Variants in ALDH3B1 observed in about 807,000 individuals in gnomAD.
ALDH3B1 encodes aldehyde dehydrogenase 3 family member B1.
A neutral mutation model predicts 46.2 loss-of-function variants in ALDH3B1; 37 were observed. That is an observed-to-expected ratio of 0.80 (90% confidence interval 0.62 to 1.05). The LOEUF is 1.05. Among genes scored for constraint, ALDH3B1 ranks in the 50% least tolerant of loss-of-function variants. The probability of loss-of-function intolerance (pLI) is 0.00; values close to 1 mark genes in which losing one functional copy is unlikely to be tolerated. For missense variants in ALDH3B1, 603 were observed against 665.5 expected (o/e 0.91, Z 1.03); for synonymous variants, 283 against 281.0 (o/e 1.01, Z -0.07).
In ALDH3B1 at chr11:68,015,374, G is replaced by A. The variant is rs928991817; in HGVS notation, c.77G>A (p.Arg26Gln). The A allele has an allele frequency of 8.4e-6, 13 of 1,551,178 alleles. No individual in the cohort carries two copies. Among genetic ancestry groups the A allele is most frequent in the East Asian group, 4.9e-5 (2 of 41,166 alleles). Residue 26 changes from arginine to glutamine, a missense_variant, in exon 2 of 10, where the codon CGG becomes CAG. By Grantham distance (43) the Arg-to-Gln change is conservative (BLOSUM62 1). Transcript: ENST00000342456. Reference protein sequence around the residue: ...HAGRTRPAEFRAAQLQGLGRF... With the variant: ...HAGRTRPAEFQAAQLQGLGRF... ...GGGCGCACGCGGCCAGCTGAGTTCC[G>A]GGCTGCGCAGCTCCAAGGCCTGGGC... is the stretch of plus-strand genomic sequence containing the variant.
chr11:68,019,618 G>T, intron 5 of ALDH3B1, 97 bp from the exon 6 acceptor site: 1 of 1,359,960 alleles, frequency 7.4e-7, no homozygotes, highest in East Asian at 2.3e-5. Context: ...CAGGCCAGGC[G>T]GGGTGGAGGC....
intron 1 of ALDH3B1, among the ~76,000 whole-genome samples, chr11:68,014,765 G>A (rs947171987): frequency 1.3e-5 from 2 of 152,200 alleles, no homozygotes; most frequent in African/African-American, 4.8e-5. Flanking sequence ...AGAGGAAGAC[G>A]GAGAATTCTG....
chr11:68,012,654 ACAG>A (rs1156932205), intron 1 of ALDH3B1, among the ~76,000 whole-genome samples: 1 of 152,080 alleles, frequency 6.6e-6, no homozygotes, highest in Non-Finnish European at 1.5e-5. Context: ...TGGAATCCAA[ACAG>A]CAAGAGACCT....
chr11:68,019,178 G>A lies in ALDH3B1; in HGVS notation c.403G>A (p.Val135Met). 6.2e-7 allele frequency: 1 copy of A among 1,612,672 alleles called. No individual in the cohort carries two copies. The highest frequency in any genetic ancestry group is 8.5e-7 in the Non-Finnish European group (1 of 1,179,464). ...LVGALAAGNC[V>M]VLKPSEISKN... ...CCTGCACTGCCCTGCAGGGAACTGT[G>A]TGGTGCTGAAGCCATCGGAGATTAG... Residue 135 changes from valine to methionine, a missense_variant, in exon 5 of 10, where the codon GTG becomes ATG. Transcript: ENST00000342456.
chr11:68,010,845 C>T (rs1165850559), intron 1 of ALDH3B1, among the ~76,000 whole-genome samples: 1 of 152,224 alleles, frequency 6.6e-6, no homozygotes, highest in Non-Finnish European at 1.5e-5. Flanking sequence ...CCATGAATGA[C>T]TCTGGGAAAG....
upstream of ALDH3B1, chr11:68,010,213 G>T (rs951641892): frequency 9.2e-5 from 14 of 152,306 alleles, no homozygotes; most frequent in Non-Finnish European, 4.4e-5. Context: ...CGAGGGAGGC[G>T]GTGGTGAAAT....
intron 8 of ALDH3B1, chr11:68,024,499 T>C (rs1003777): frequency 0.26 from 39,675 of 152,198 alleles, 5,668 homozygotes; most frequent in African/African-American, 0.38. Context: ...TGGTGGAATT[T>C]TGTTGTATTG....
chr11:68,018,174 A>C, intron 2 of ALDH3B1: 1 of 261,414 alleles, frequency 3.8e-6, no homozygotes, highest in African/African-American at 2.2e-5. Context: ...GCTCATGTGG[A>C]TGTATACATG....
chr11:68,014,586 C>G (rs1857300969), intron 1 of ALDH3B1, among the ~76,000 whole-genome samples: 1 of 152,162 alleles, frequency 6.6e-6, no homozygotes, highest in South Asian at 2.1e-4. Context: ...GATCCTCTCC[C>G]CCACAGCTGT....
At position 68,027,700 on chromosome 11, in the gene ALDH3B1, C is replaced by T. The variant is rs778923085; in HGVS notation, c.1217-49C>T. On this transcript the variant is annotated intron_variant, in intron 9 of 9. Coordinates refer to ENST00000342456, the MANE Select transcript of ALDH3B1 (RefSeq NM_000694.4). ...CCCGCCTAGGCCCCACTGTCTGTGA[C>T]TAGGAGACCCCCAGCGCCTGACCAC... 3 of 1,535,636 alleles carry T rather than the reference C, an allele frequency of 2.0e-6. No homozygotes were observed. In the South Asian group the frequency reaches 3.6e-5, roughly 19 times the overall value.
chr11:68,015,518 C>A, intron 2 of ALDH3B1, 59 bp downstream of exon 2: 1 of 1,551,666 alleles, frequency 6.4e-7, no homozygotes, highest in African/African-American at 1.4e-5. Context: ...TGGAGGGCAG[C>A]TGGGACAGCA....
At position 68,019,725 on chromosome 11, in the gene ALDH3B1, C is replaced by T. The variant is rs762645901; in HGVS notation, c.491C>T (p.Ala164Val). Residue 164 changes from alanine to valine, a missense_variant, in exon 6 of 10, where the codon GCT becomes GTT. Physicochemically the swap from Ala to Val is moderately conservative, Grantham distance 64 (BLOSUM62 0). Transcript: ENST00000342456. ...LPQYVDQSCF[A>V]VVLGGPQETG... ...CATCCCGCCTTGCAGAGCTGCTTTG[C>T]TGTGGTGCTGGGCGGGCCCCAGGAG... The T allele has an allele frequency of 4.3e-6, 7 of 1,614,096 alleles. No homozygotes were observed. The highest frequency in any genetic ancestry group is 2.2e-5 in the South Asian group (2 of 91,084).
chr11:68,015,998 G>A (rs1857344216), intron 2 of ALDH3B1: 2 of 246,872 alleles, frequency 8.1e-6, no homozygotes, highest in Non-Finnish European at 1.6e-5. Flanking sequence ...CCTGGGAGGT[G>A]GAGGTTGCAG....
chr11:68,026,689 T>C (rs1272153420), intron 9 of ALDH3B1, among the ~76,000 whole-genome samples: 1 of 152,068 alleles, frequency 6.6e-6, no homozygotes, highest in Non-Finnish European at 1.5e-5. Context: ...AGGTGACATC[T>C]CCCCTTTCTG....
chr11:68,023,484 T>C (rs566740826), intron 8 of ALDH3B1, among the ~76,000 whole-genome samples: 1 of 151,924 alleles, frequency 6.6e-6, no homozygotes, highest in South Asian at 2.1e-4. Flanking sequence ...TTTGTATTTT[T>C]AGTAGAGATG....
chr11:68,015,212 G>T, intron 1 of ALDH3B1, 85 bp from the exon 2 acceptor site: 2 of 1,396,942 alleles, frequency 1.4e-6, no homozygotes, highest in Non-Finnish European at 1.9e-6. Flanking sequence ...GCAGGTCAGG[G>T]GTGCCCAGAC....
Position 68,018,853 on chromosome 11 carries a change from G to A in ALDH3B1, c.354G>A (p.Leu118=). The change falls in exon 4 of 10, where the codon CTG becomes CTA. Residue 118 remains leucine, a synonymous_variant. Transcript: ENST00000342456. ...TCATTGCGCCCTGGAACTATCCGCT[G>A]AACCTGACGCTGGTGCCCCTCGTGG... is the stretch of plus-strand genomic sequence containing the variant. ...VLIIAPWNYP[L]NLTLVPLVGA... 1 of 1,563,616 alleles carries A rather than the reference G, an allele frequency of 6.4e-7. No individual in the cohort carries two copies. The highest frequency in any genetic ancestry group is 8.7e-7 in the Non-Finnish European group (1 of 1,154,382).
In ALDH3B1 at chr11:68,027,939, AG is replaced by A. The variant is rs778759508; in HGVS notation, c.*1del. 12 of 1,554,018 alleles carry A rather than the reference AG, an allele frequency of 7.7e-6. No individual in the cohort carries two copies. The highest frequency in any genetic ancestry group is 9.5e-6 in the Non-Finnish European group (11 of 1,155,946). The stretch of plus-strand genomic sequence containing the variant: ...AAGGCTGCAGCTGCACACTGCTCTG[AG>A]CCCTTCCCCAGGCCCAGGCTGTAGA... On this transcript the variant is annotated 3_prime_UTR_variant, in exon 10 of 10. Transcript: ENST00000342456.
chr11:68,019,649 C>T (rs1857439527), intron 5 of ALDH3B1, 66 bp from the exon 6 acceptor site: 45 of 1,555,940 alleles, frequency 2.9e-5, no homozygotes, highest in Non-Finnish European at 3.5e-5. Flanking sequence ...CCAGGCAGGG[C>T]GGGCTGCTCC....
Sources: allele counts gnomAD v4.1 joint callset (sites outside exome capture counted in the v4.1 genomes callset), GRCh38; gene constraint gnomAD v4.1.1; transcripts MANE v1.5; gene names NCBI Gene and HGNC (gene_info 2026-07-23, HGNC 2026-07-21).